Variants in DOCK10 observed in about 807,000 individuals in gnomAD.
DOCK10 encodes the protein dedicator of cytokinesis protein 10.
Under a neutral mutation model 280.1 loss-of-function variants are expected in DOCK10, and 145 were observed. The ratio of observed to expected loss-of-function variants is 0.52; its 90% confidence interval spans 0.45 to 0.59. DOCK10 has a LOEUF of 0.59. Among genes scored for constraint, DOCK10 ranks in the 20% least tolerant of loss-of-function variants. DOCK10 has a pLI of 0.00. For missense variants in DOCK10, 2,368 were observed against 2,651.7 expected (o/e 0.89, Z 2.35); for synonymous variants, 915 against 942.2 (o/e 0.97, Z 0.53).
At position 224,853,003 on chromosome 2, in the gene DOCK10, C is replaced by G; in HGVS notation, c.2008G>C (p.Val670Leu). ...DSTKYCRPYR[V>L]YKNQIYIYPK... ...TAAATATAAATTTGATTTTTATATA[C>G]TCTGTAAGGCCGACAATACTTTGTT... The change falls in exon 17 of 56, where the codon GTA becomes CTA. Residue 670 changes from valine to leucine, a missense_variant. This residue lies in a region of DOCK10 where 1,209 missense variants were observed against 1,250.9 expected (regional missense o/e 0.97). Transcript: ENST00000258390. 6.2e-7 allele frequency: 1 copy of G among 1,611,432 alleles called. No individual in the cohort carries two copies. Among genetic ancestry groups the G allele is most frequent in the Non-Finnish European group, 8.5e-7 (1 of 1,178,306 alleles).
chr2:224,951,036 A>G (rs1703698275), intron 1 of DOCK10, among the ~76,000 whole-genome samples: 1 of 152,222 alleles, frequency 6.6e-6, no homozygotes, highest in Non-Finnish European at 1.5e-5. Context: ...TCAGTGTGAG[A>G]GATAGACAGG....
In DOCK10 at chr2:224,775,084, G is replaced by A. The variant is rs1185150101; in HGVS notation, c.5834C>T (p.Ala1945Val). 6.2e-7 allele frequency: 1 copy of A among 1,614,002 alleles called. No homozygotes were observed. The highest frequency in any genetic ancestry group is 1.3e-5 in the African/African-American group (1 of 75,044). The part of the protein sequence containing the change: ...VNPKDLDPKY[A>V]YIQVTYVTPF... ...CGTCACATAGGTCACCTGGATGTAG[G>A]CATATTTGGGGTCCAAATCCTTGGG... Residue 1945 changes from alanine (A) to valine (V), a missense_variant, in exon 52 of 56, where the codon GCC (alanine) becomes GTC (valine). Physicochemically the swap from Ala to Val is moderately conservative, Grantham distance 64. Coordinates refer to ENST00000258390, the MANE Select transcript of DOCK10 (RefSeq NM_014689.3).
Position 224,816,858 on chromosome 2 carries a change from G to A in DOCK10, c.3268-145C>T, listed in dbSNP as rs1694164474. The A allele has an allele frequency of 4.7e-5, 27 of 577,828 alleles. 1 individual carries two copies. In the South Asian group the frequency reaches 5.7e-4, roughly 12 times the overall value. The allele number at this position is 577,828 out of a possible 1,614,324, so 35.8% of individuals were successfully genotyped here. A position where few individuals can be genotyped will look rare whatever the true frequency, so the allele number is the denominator to read the frequency against. ...TGTCGGACCACTAGGTAATTAAGTT[G>A]AAAGGATTTTGTCCCCTCCGAACTG... On this transcript the variant is annotated intron_variant, in intron 29 of 55. Transcript: ENST00000258390.
At chr2:224,892,817 C>T (rs966067851) in intron 4 of DOCK10, among the ~76,000 whole-genome samples, 4 of 152,204 alleles carry the variant, frequency 2.6e-5, no homozygotes, top group African/African-American at 4.8e-5. Context: ...TTTCCCAATC[C>T]GGTTTTTAAT....
At chr2:224,960,046 T>G (rs1704274068) in intron 1 of DOCK10, among the ~76,000 whole-genome samples, 1 of 152,204 alleles carries the variant, frequency 6.6e-6, no homozygotes, top group East Asian at 1.9e-4. Context: ...CAAGGTGACC[T>G]GACCCACCTC....
intron 1 of DOCK10, among the ~76,000 whole-genome samples, chr2:224,998,671 C>A (rs983012758): frequency 6.6e-6 from 1 of 152,162 alleles, no homozygotes; most frequent in Non-Finnish European, 1.5e-5. Flanking sequence ...TTCACCTTCC[C>A]TCACTGGCAA....
At position 224,774,913 on chromosome 2, in the gene DOCK10, A is replaced by T. The variant is rs1690723704; in HGVS notation, c.6005T>A (p.Ile2002Asn). The change falls in exon 52 of 56, where the codon ATC (isoleucine) becomes AAC (asparagine). Residue 2002 changes from isoleucine to asparagine, a missense_variant. Ile to Asn is a moderately radical substitution (Grantham distance 149). Around this residue, in one of 2 missense-constraint regions of DOCK10, gnomAD observed 1,159 missense variants for 1,400.8 expected, o/e 0.83. Transcript: ENST00000258390. ...CGGCTACCTGCACCTACTTGTCAGG[A>T]TCGTCCGCCGCTTGCACTGCTCCGC... is the stretch of plus-strand genomic sequence containing the variant. ...GVAEQCKRRT[I>N]LTTSHLFPYV... The T allele has an allele frequency of 3.8e-6, 6 of 1,590,534 alleles. No homozygotes were observed. Among genetic ancestry groups the T allele is most frequent in the Non-Finnish European group, 5.1e-6 (6 of 1,167,796 alleles).
intron 1 of DOCK10, among the ~76,000 whole-genome samples, chr2:224,935,568 A>G (rs1305545712): frequency 6.6e-6 from 1 of 152,204 alleles, no homozygotes; most frequent in African/African-American, 2.4e-5. Context: ...GTGGAACTTC[A>G]GCCGTGGTAA....
intron 8 of DOCK10, among the ~76,000 whole-genome samples, chr2:224,875,817 G>A (rs540923997): frequency 2.0e-5 from 3 of 152,312 alleles, no homozygotes; most frequent in East Asian, 1.9e-4. Flanking sequence ...TTTGCTGGGG[G>A]AAAGCCTCAG....
chr2:224,793,354 T>A, intron 46 of DOCK10, 46 bp downstream of exon 46: 1 of 1,439,582 alleles, frequency 6.9e-7, no homozygotes, highest in Non-Finnish European at 9.6e-7. Flanking sequence ...TAGGCTTCAA[T>A]GTGTTGATAT....
chr2:224,845,054 G>T, intron 21 of DOCK10, 149 bp downstream of exon 21: 1 of 926,768 alleles, frequency 1.1e-6, no homozygotes. Flanking sequence ...GTGGCCATAA[G>T]CTAAACAAGA....
At chr2:224,773,705 C>T (rs1231534449) in intron 52 of DOCK10, among the ~76,000 whole-genome samples, 1 of 151,552 alleles carries the variant, frequency 6.6e-6, no homozygotes, top group African/African-American at 2.4e-5. Flanking sequence ...GATCTCGGCT[C>T]ACTGCAGTCT....
intron 22 of DOCK10, among the ~76,000 whole-genome samples, chr2:224,843,307 G>C (rs1267334913): frequency 6.6e-6 from 1 of 152,212 alleles, no homozygotes; most frequent in Non-Finnish European, 1.5e-5. Context: ...CATGGGTAGT[G>C]AGAGTCGAGG....
chr2:224,803,741 C>T (rs1034644300), intron 39 of DOCK10, among the ~76,000 whole-genome samples: 26 of 151,980 alleles, frequency 1.7e-4, no homozygotes, highest in African/African-American at 5.3e-4. Context: ...TCCACATTTC[C>T]GTTTGTCACT....
intron 7 of DOCK10, among the ~76,000 whole-genome samples, chr2:224,882,677 C>G (rs929217770): frequency 3.3e-5 from 5 of 152,194 alleles, no homozygotes; most frequent in African/African-American, 1.2e-4. Flanking sequence ...GAGGCAGAGA[C>G]GTTGTTCCTC....
chr2:224,865,163 T>C lies in DOCK10; in HGVS notation c.1258-76A>G, dbSNP rs1697822890. On this transcript the variant is annotated intron_variant, in intron 11 of 55. Coordinates refer to ENST00000258390, the MANE Select transcript of DOCK10 (RefSeq NM_014689.3). ...GAGACAGCCTCGTTAGTACATCATTTAACAAAGCAGTAGATAAAATACATG... is the reference window on the plus strand; with the variant it reads ...GAGACAGCCTCGTTAGTACATCATTCAACAAAGCAGTAGATAAAATACATG... 3.1e-5 allele frequency: 43 copies of C among 1,392,478 alleles called. No homozygotes were observed. In the South Asian group the frequency reaches 5.2e-4, roughly 17 times the overall value. The allele number at this position is 1,392,478 out of a possible 1,614,324, so 86.3% of individuals were successfully genotyped here.
intron 14 of DOCK10, 86 bp from the exon 15 acceptor site, chr2:224,857,068 C>A: frequency 9.0e-7 from 1 of 1,107,150 alleles, no homozygotes; most frequent in South Asian, 2.8e-5. Context: ...TTAAACTTCT[C>A]ATTTATAATC....
chr2:224,845,162 G>C, intron 21 of DOCK10, 41 bp downstream of exon 21: 1 of 1,537,956 alleles, frequency 6.5e-7, no homozygotes, highest in East Asian at 2.4e-5. Flanking sequence ...CATTAAGCTG[G>C]TGTGCTTTTT....
At chr2:224,974,908 T>C (rs1464912530) in intron 1 of DOCK10, among the ~76,000 whole-genome samples, 2 of 138,804 alleles carry the variant, frequency 1.4e-5, no homozygotes, top group African/African-American at 5.0e-5. Flanking sequence ...TATAGCTCTA[T>C]CTACATATAG....
Sources: gnomAD v4.1 joint callset for allele counts (sites outside exome capture counted in the v4.1 genomes callset) on GRCh38, gnomAD v4.1.1 for gene constraint, gnomAD v4.1.1 regional missense constraint, MANE v1.5 for transcripts, NCBI Gene and HGNC (gene_info 2026-07-23, HGNC 2026-07-21) for gene names.